Variants in HDAC4 observed in about 807,000 individuals in gnomAD.
HDAC4 encodes the protein histone deacetylase A.
HDAC4 carries 16 observed loss-of-function variants against 135.1 expected under a neutral mutation model. The observed-to-expected ratio is 0.12, with a 90% CI of 0.08 to 0.18. HDAC4 has a LOEUF of 0.18. Among genes scored for constraint, HDAC4 ranks in the 10% least tolerant of loss-of-function variants. HDAC4 has a pLI of 1.00. For synonymous variants in HDAC4, 685 were observed against 653.4 expected (o/e 1.05, Z -0.74); for missense variants, 1,143 against 1,511.8 (o/e 0.76, Z 4.05).
In HDAC4 at chr2:239,111,577, T is replaced by C; in HGVS notation, c.1927A>G (p.Thr643Ala). ...GGCTCCTGCACAGACACGGGGAAGG[T>C]GGCAGACGCGGGTGAGGACTGCGCC... ...SRAQSSPASA[T>A]FPVSVQEPPT... The change falls in exon 14 of 27, where the codon ACC becomes GCC. Residue 643 changes from threonine to alanine, a missense_variant. Thr to Ala is a moderately conservative substitution (Grantham distance 58). Transcript: ENST00000543185. 6.2e-7 allele frequency: 1 copy of C among 1,612,210 alleles called. No individual in the cohort carries two copies. The highest frequency in any genetic ancestry group is 8.5e-7 in the Non-Finnish European group (1 of 1,179,708).
intron 2 of HDAC4, among the ~76,000 whole-genome samples, chr2:239,246,479 G>A (rs2048467235): frequency 6.6e-6 from 1 of 152,214 alleles, no homozygotes; most frequent in East Asian, 1.9e-4. Context: ...CACAGGTCCT[G>A]GCACCGAGCA....
chr2:239,063,232 GCT>G (rs1440241092), intron 24 of HDAC4, among the ~76,000 whole-genome samples: 1 of 151,342 alleles, frequency 6.6e-6, no homozygotes, highest in Non-Finnish European at 1.5e-5. Context: ...GCGGAGTCTC[GCT>G]CTCTCGCCCA....
rs140778776 is a variant in HDAC4, at chr2:239,113,207, A to G, written c.1792-1495T>C. Among the ~76,000 whole-genome samples the G allele has an allele frequency of 8.4e-3, 1,274 of 152,302 alleles. 16 individuals are homozygous for G. Among genetic ancestry groups the G allele is most frequent in the African/African-American group, 0.029 (1,221 of 41,558 alleles). On this transcript the variant is annotated intron_variant, in intron 13 of 26. Transcript: ENST00000543185. ...GGAGGCTGTAGTGAGCTGAGATGGC[A>G]CCACTGCACTCTAGCCTGGGCAACA...
intron 3 of HDAC4, among the ~76,000 whole-genome samples, chr2:239,232,391 C>G (rs979987804): frequency 2.6e-5 from 4 of 152,234 alleles, no homozygotes; most frequent in Admixed American, 2.6e-4. Flanking sequence ...ATCTCCCCAG[C>G]CTAACTCAGT....
intron 1 of HDAC4, among the ~76,000 whole-genome samples, chr2:239,365,664 A>G (rs1694145038): frequency 6.6e-6 from 1 of 150,868 alleles, no homozygotes; most frequent in African/African-American, 2.4e-5. Flanking sequence ...TGCACACACA[A>G]GCCAGGGTTG....
intron 2 of HDAC4, among the ~76,000 whole-genome samples, chr2:239,327,704 T>A (rs927750640): frequency 7.9e-5 from 12 of 152,174 alleles, no homozygotes; most frequent in African/African-American, 2.9e-4. Flanking sequence ...GCTCACAGGA[T>A]GGGACTCAGA....
intron 2 of HDAC4, among the ~76,000 whole-genome samples, chr2:239,272,890 T>C (rs2050134288): frequency 2.0e-5 from 3 of 152,172 alleles, no homozygotes; most frequent in African/African-American, 4.8e-5. Context: ...AAGCTGTCCC[T>C]ATATTCCTGC....
At chr2:239,385,956 C>T (rs1357093145) in intron 1 of HDAC4, among the ~76,000 whole-genome samples, 1 of 152,220 alleles carries the variant, frequency 6.6e-6, no homozygotes, top group Non-Finnish European at 1.5e-5. Flanking sequence ...GACAGGAAAG[C>T]TCAGGTGTGC....
At chr2:239,204,281 G>A (rs1003765527) in intron 3 of HDAC4, among the ~76,000 whole-genome samples, 1 of 152,220 alleles carries the variant, frequency 6.6e-6, no homozygotes, top group African/African-American at 2.4e-5. Context: ...TGCTGACCAC[G>A]ATGCAGCGGC....
chr2:239,119,064 G>C (rs2039398333), intron 12 of HDAC4, among the ~76,000 whole-genome samples: 1 of 152,280 alleles, frequency 6.6e-6, no homozygotes, highest in African/African-American at 2.4e-5. Flanking sequence ...TGGCATCCAA[G>C]TCTTGGCTTT....
intron 12 of HDAC4, among the ~76,000 whole-genome samples, chr2:239,117,636 A>G (rs2039263558): frequency 6.6e-6 from 1 of 150,968 alleles, no homozygotes; most frequent in East Asian, 2.0e-4. Context: ...AAGGGCGCAC[A>G]GGGAGTTTCT....
In HDAC4 at chr2:239,087,588, A is replaced by G; in HGVS notation, c.2415T>C (p.Pro805=). ...LKNGFAVVRP[P]GHHAEESTPM... ...GCGTGCTCTCCTCCGCATGGTGTCCAGGGGGGCGGACCACAGCAAAGCCAT... is the reference window on the plus strand; with the variant it reads ...GCGTGCTCTCCTCCGCATGGTGTCCGGGGGGGCGGACCACAGCAAAGCCAT... The change falls in exon 19 of 27, where the codon CCT becomes CCC. Residue 805 remains proline, a synonymous_variant. Transcript: ENST00000543185. 1 of 1,613,886 alleles carries G rather than the reference A, an allele frequency of 6.2e-7. No individual in the cohort carries two copies. The highest frequency in any genetic ancestry group is 8.5e-7 in the Non-Finnish European group (1 of 1,179,970).
intron 3 of HDAC4, among the ~76,000 whole-genome samples, chr2:239,201,444 G>A (rs1174428000): frequency 1.3e-5 from 2 of 152,224 alleles, no homozygotes; most frequent in African/African-American, 2.4e-5. Context: ...CGACCCCTCG[G>A]CCTGCTCTGT....
chr2:239,204,243 G>C (rs1408697500), intron 3 of HDAC4, among the ~76,000 whole-genome samples: 1 of 152,234 alleles, frequency 6.6e-6, no homozygotes, highest in Non-Finnish European at 1.5e-5. Flanking sequence ...TGCAGGTGTA[G>C]TGACTGCAGA....
intron 1 of HDAC4, among the ~76,000 whole-genome samples, chr2:239,366,481 G>A (rs558103503): frequency 2.6e-5 from 4 of 152,350 alleles, no homozygotes; most frequent in South Asian, 4.1e-4. Context: ...GCCAGTCTGC[G>A]TAAGCATAAG....
At chr2:239,079,203 T>C (rs886401087) in intron 22 of HDAC4, among the ~76,000 whole-genome samples, 1 of 152,158 alleles carries the variant, frequency 6.6e-6, no homozygotes, top group Non-Finnish European at 1.5e-5. Context: ...GTGGTACACA[T>C]TGGGGGACGT....
At chr2:239,181,118 G>A (rs1575317850) in intron 4 of HDAC4, among the ~76,000 whole-genome samples, 3 of 152,348 alleles carry the variant, frequency 2.0e-5, no homozygotes, top group South Asian at 4.1e-4. Context: ...CAGACATTGG[G>A]GACAGGACCT....
chr2:239,081,943 T>C (rs143768121), intron 21 of HDAC4, among the ~76,000 whole-genome samples, 159 bp downstream of exon 21: 124 of 152,366 alleles, frequency 8.1e-4, no homozygotes, highest in African/African-American at 2.9e-3. Context: ...CGCGATACGA[T>C]GCAGGCTGAC....
chr2:239,139,188 G>A lies in HDAC4; in HGVS notation c.978+496C>T, dbSNP rs1218029163. Among the ~76,000 whole-genome samples the A allele has an allele frequency of 7.2e-5, 11 of 152,074 alleles. No individual in the cohort carries two copies. Among genetic ancestry groups the A allele is most frequent in the Non-Finnish European group, 4.4e-5 (3 of 67,972 alleles). ...GCTGACCACGGGTGACGCTCCAGTC[G>A]GCCCTGACACATAGTTTGTTGGCCG... On this transcript the variant is annotated intron_variant, in intron 9 of 26. Coordinates refer to ENST00000543185, the MANE Select transcript of HDAC4 (RefSeq NM_001378414.1). The surrounding 1 kb of genome is among the most constrained non-coding windows in gnomAD (Gnocchi z 5.3).
Sources: gnomAD v4.1 joint callset for allele counts (sites outside exome capture counted in the v4.1 genomes callset) on GRCh38, gnomAD v4.1.1 for gene constraint, Gnocchi (gnomAD v3.1) non-coding constraint, MANE v1.5 for transcripts, NCBI Gene and HGNC (gene_info 2026-07-23, HGNC 2026-07-21) for gene names.